The following TENM1 variants were observed in gnomAD, a reference collection of about 807,000 sequenced individuals.
TENM1 encodes the protein teneurin transmembrane protein 1, also known as teneurin-1.
A neutral mutation model predicts 174.8 loss-of-function variants in TENM1; 35 were observed. The observed-to-expected ratio is 0.20, with a 90% CI of 0.15 to 0.27. The LOEUF (loss-of-function observed/expected upper bound fraction) is 0.27. Among genes scored for constraint, TENM1 ranks in the 10% least tolerant of loss-of-function variants. The probability of loss-of-function intolerance (pLI) is 1.00; values close to 1 mark genes in which losing one functional copy is unlikely to be tolerated. For synonymous variants in TENM1, 781 were observed against 798.7 expected (o/e 0.98, Z 0.37); for missense variants, 1,633 against 2,130.1 (o/e 0.77, Z 4.59).
intron 3 of TENM1, among the ~76,000 whole-genome samples, chrX:124,788,628 T>C (rs1388790241): frequency 1.8e-5 from 2 of 112,679 alleles, no homozygotes; most frequent in Non-Finnish European, 3.8e-5. Context: ...CCATGCAAGT[T>C]TGAAATCCAG....
chrX:125,001,326 T>C, the TENM1 span, among the ~76,000 whole-genome samples: 2 of 111,260 alleles, frequency 1.8e-5, no homozygotes, highest in Non-Finnish European at 3.8e-5. Context: ...CTTGGTTGAC[T>C]GAGTTAGGTG....
intron 3 of TENM1, among the ~76,000 whole-genome samples, chrX:124,826,406 C>T (rs2056162102): frequency 9.8e-6 from 1 of 102,228 alleles, no homozygotes; most frequent in South Asian, 4.5e-4. Context: ...GAGACCCTGT[C>T]TCAAAAAAAA....
chrX:125,133,994 CT>C, the TENM1 span, among the ~76,000 whole-genome samples: 1 of 110,896 alleles, frequency 9.0e-6, no homozygotes, highest in Non-Finnish European at 1.9e-5. Context: ...TTAAAAGCTG[CT>C]TTGGTGGAAG....
At chrX:125,139,063 G>T in the TENM1 span, among the ~76,000 whole-genome samples, 4 of 111,085 alleles carry the variant, frequency 3.6e-5, no homozygotes, top group Admixed American at 3.8e-4. Context: ...AATGCTTATT[G>T]AGCCCATTTT....
chrX:125,001,852 TAC>T, the TENM1 span, among the ~76,000 whole-genome samples: 4,328 of 84,644 alleles, frequency 0.051, 176 homozygotes, highest in African/African-American at 0.12. Flanking sequence ...TATAGATAGA[TAC>T]ACACACACAC....
At chrX:124,868,391 G>A (rs757147652) in intron 3 of TENM1, among the ~76,000 whole-genome samples, 1 of 111,503 alleles carries the variant, frequency 9.0e-6, no homozygotes, top group South Asian at 3.8e-4. Context: ...GGACAGGCAC[G>A]TCAATAAATG....
At chrX:124,456,557 GA>G (rs1183825227) in intron 22 of TENM1, among the ~76,000 whole-genome samples, 1 of 111,732 alleles carries the variant, frequency 8.9e-6, no homozygotes, top group Non-Finnish European at 1.9e-5. Flanking sequence ...ATGAAAAAGA[GA>G]ATAATATTTG....
intron 1 of TENM1, among the ~76,000 whole-genome samples, chrX:124,907,348 G>A (rs2057764909): frequency 8.9e-6 from 1 of 112,227 alleles, no homozygotes; most frequent in Non-Finnish European, 1.9e-5. Context: ...TGGCTAGATT[G>A]GTACAGACTA....
rs1373354016 is a variant in TENM1 at position 124,606,825 on chromosome X, G to T, written c.2077+34966C>A. On this transcript the variant is annotated intron_variant, in intron 11 of 31. Coordinates refer to ENST00000422452, the Ensembl canonical transcript of TENM1. ...TTAATTTCTTTGTTTATTAACATGGGGATAACATATATTCTCACAGAGTTC... is the reference window on the plus strand; with the variant it reads ...TTAATTTCTTTGTTTATTAACATGGTGATAACATATATTCTCACAGAGTTC... 4.5e-5 allele frequency among the ~76,000 whole-genome samples: 5 copies of T among 111,159 alleles called. No individual in the cohort carries two copies. The East Asian group carries it at 1.1e-3, about 25-fold the overall frequency.
At chrX:124,471,717 TACAATTATATAATATACAATATAGA>T (rs2061335956) in intron 22 of TENM1, among the ~76,000 whole-genome samples, 1 of 90,888 alleles carries the variant, frequency 1.1e-5, no homozygotes, top group Non-Finnish European at 2.1e-5. Context: ...ATATGTAATA[TACAATTATATAATATACAATATAGA>T]GTAATATATA....
the TENM1 span, among the ~76,000 whole-genome samples, chrX:125,050,459 G>A: frequency 9.0e-6 from 1 of 110,515 alleles, no homozygotes; most frequent in Non-Finnish European, 1.9e-5. Context: ...ATGGTTTCCA[G>A]CTTCATCCAT....
At chrX:125,035,639 C>T in the TENM1 span, among the ~76,000 whole-genome samples, 1 of 111,515 alleles carries the variant, frequency 9.0e-6, no homozygotes, top group East Asian at 2.8e-4. Flanking sequence ...AACACAACTG[C>T]TAGTGATAAT....
chrX:124,684,586 C>G (rs1206391715), intron 5 of TENM1, among the ~76,000 whole-genome samples: 2 of 111,845 alleles, frequency 1.8e-5, no homozygotes, highest in East Asian at 2.8e-4. Context: ...CAGGCTGGTC[C>G]ACATAGACCC....
chrX:124,945,313 G>A (rs1208877643), intron 1 of TENM1, among the ~76,000 whole-genome samples: 1 of 111,431 alleles, frequency 9.0e-6, no homozygotes, highest in Non-Finnish European at 1.9e-5. Flanking sequence ...ACATGGAAAG[G>A]GAAGCCACAT....
chrX:125,130,487 T>C, the TENM1 span, among the ~76,000 whole-genome samples: 7 of 111,174 alleles, frequency 6.3e-5, no homozygotes, highest in Non-Finnish European at 1.1e-4. Context: ...TTACCTTAGA[T>C]ACCATCAAGT....
chrX:124,553,343 T>C (rs2048618926), intron 14 of TENM1, among the ~76,000 whole-genome samples: 2 of 108,468 alleles, frequency 1.8e-5, no homozygotes, highest in Non-Finnish European at 3.8e-5. Context: ...CTACTAAAAA[T>C]ACAATAATTA....
the TENM1 span, among the ~76,000 whole-genome samples, chrX:125,169,246 T>C: frequency 8.9e-6 from 1 of 111,736 alleles, no homozygotes; most frequent in Non-Finnish European, 1.9e-5. Flanking sequence ...TTGTCACGTA[T>C]TTGTCAGGAG....
At chrX:124,535,512 G>T (rs747821240) in intron 15 of TENM1, among the ~76,000 whole-genome samples, 67 of 111,254 alleles carry the variant, frequency 6.0e-4, no homozygotes, top group African/African-American at 2.1e-3. Flanking sequence ...TGAACTACAG[G>T]GTCTTCAAAT....
At chrX:124,695,169 G>A (rs973928106) in intron 5 of TENM1, among the ~76,000 whole-genome samples, 1 of 110,928 alleles carries the variant, frequency 9.0e-6, no homozygotes. Flanking sequence ...ATGGGTATTC[G>A]ATGGACTGGA....
Sources: gnomAD v4.1 joint callset for allele counts (sites outside exome capture counted in the v4.1 genomes callset) on GRCh38, gnomAD v4.1.1 for gene constraint, MANE v1.5 for transcripts, NCBI Gene and HGNC (gene_info 2026-07-23, HGNC 2026-07-21) for gene names.